The following MGRN1 variants were observed in gnomAD, a reference collection of about 807,000 sequenced individuals.
MGRN1 encodes the protein mahogunin ring finger 1.
A neutral mutation model predicts 69.2 loss-of-function variants in MGRN1; 29 were observed. That is an observed-to-expected ratio of 0.42 (90% CI 0.31 to 0.57). The LOEUF (loss-of-function observed/expected upper bound fraction) is 0.57. Among genes scored for constraint, MGRN1 ranks in the 20% least tolerant of loss-of-function variants. The pLI is 0.15. For synonymous variants in MGRN1, 470 were observed against 344.2 expected (o/e 1.37, Z -4.04); for missense variants, 998 against 796.2 (o/e 1.25, Z -3.05).
chr16:4,682,040 T>G (rs1238410400), intron 13 of MGRN1, among the ~76,000 whole-genome samples: 3 of 152,174 alleles, frequency 2.0e-5, no homozygotes, highest in Admixed American at 2.0e-4. Context: ...GCATACGTGC[T>G]CTCGAGCAGG....
chr16:4,672,155 C>T (rs1419871694), intron 9 of MGRN1, among the ~76,000 whole-genome samples: 3 of 152,170 alleles, frequency 2.0e-5, no homozygotes, highest in African/African-American at 7.2e-5. Flanking sequence ...CCACCCTCCT[C>T]GGCCTCCCAA....
At chr16:4,668,161 G>T in intron 7 of MGRN1, 104 bp from the exon 8 acceptor site, 1 of 749,438 alleles carries the variant, frequency 1.3e-6, no homozygotes, top group Non-Finnish European at 2.2e-6. Flanking sequence ...TCCAGCTGTG[G>T]GCATGGATTG....
At chr16:4,656,030 CCCCCACGCCCCAT>C (rs1364355818) in intron 4 of MGRN1, among the ~76,000 whole-genome samples, 1 of 152,228 alleles carries the variant, frequency 6.6e-6, no homozygotes, top group East Asian at 1.9e-4. Flanking sequence ...AGTGGTGGCC[CCCCCACGCCCCAT>C]CCCATTTCTG....
chr16:4,677,810 G>C (rs1003314928), intron 11 of MGRN1, among the ~76,000 whole-genome samples: 9 of 150,658 alleles, frequency 6.0e-5, no homozygotes, highest in African/African-American at 9.7e-5. Context: ...GGCTGAGCGC[G>C]GTCGAGGTCT....
intron 8 of MGRN1, among the ~76,000 whole-genome samples, chr16:4,669,498 G>A (rs949995429): frequency 1.4e-5 from 2 of 148,086 alleles, no homozygotes; most frequent in African/African-American, 2.5e-5. Flanking sequence ...GCTCTGGGAC[G>A]ACGGGTCCCT....
intron 1 of MGRN1, among the ~76,000 whole-genome samples, chr16:4,648,885 C>T (rs1456715354): frequency 6.8e-6 from 1 of 148,072 alleles, no homozygotes; most frequent in African/African-American, 2.5e-5. Flanking sequence ...GGGGACTCTT[C>T]CCGTGGTCAC....
At chr16:4,642,034 G>A (rs1209011103) in intron 1 of MGRN1, among the ~76,000 whole-genome samples, 7 of 151,996 alleles carry the variant, frequency 4.6e-5, no homozygotes, top group African/African-American at 1.2e-4. Flanking sequence ...TGTCTGCGCC[G>A]TGTTGATCAC....
At position 4,673,517 on chromosome 16, in the gene MGRN1, G is replaced by C. The variant is rs750360710; in HGVS notation, c.815G>C (p.Ser272Thr). The C allele has an allele frequency of 2.5e-6, 4 of 1,613,366 alleles. No individual in the cohort carries two copies. Among genetic ancestry groups the C allele is most frequent in the Middle Eastern group, 1.6e-4 (1 of 6,062 alleles). The change falls in exon 10 of 17, where the codon AGC becomes ACC. Residue 272 changes from serine to threonine, a missense_variant. Coordinates refer to ENST00000262370, the MANE Select transcript of MGRN1 (RefSeq NM_015246.4). ...CGGCAGCCCTCGGACGACGAGAACA[G>C]CGACAACAGCAACGAGTGTGTGGTG... ...QETKPSDDEN[S>T]DNSNECVVCL...
At chr16:4,626,714 A>G (rs970466150) in intron 1 of MGRN1, among the ~76,000 whole-genome samples, 7 of 152,154 alleles carry the variant, frequency 4.6e-5, no homozygotes, top group African/African-American at 7.2e-5. Context: ...AATAACATAC[A>G]TGTCATTTAC....
At chr16:4,675,935 C>T (rs2079044006) in intron 10 of MGRN1, among the ~76,000 whole-genome samples, 1 of 152,222 alleles carries the variant, frequency 6.6e-6, no homozygotes, top group East Asian at 1.9e-4. Flanking sequence ...GGTCAAAGTG[C>T]ACATCCCACT....
At chr16:4,644,068 C>G (rs935219741) in intron 1 of MGRN1, among the ~76,000 whole-genome samples, 11 of 151,966 alleles carry the variant, frequency 7.2e-5, no homozygotes, top group African/African-American at 2.4e-4. Context: ...ACCTCTGCCT[C>G]CCAGATGCAA....
intron 4 of MGRN1, among the ~76,000 whole-genome samples, chr16:4,656,299 C>G (rs754206672): frequency 6.6e-6 from 1 of 152,208 alleles, no homozygotes; most frequent in Non-Finnish European, 1.5e-5. Context: ...GCTGGTGTCC[C>G]CCAGGGGCCC....
chr16:4,650,752 G>T, intron 2 of MGRN1: 2 of 334,654 alleles, frequency 6.0e-6, no homozygotes, highest in Non-Finnish European at 1.1e-5. Flanking sequence ...GGCTGCAACG[G>T]CTGCGGAACA....
intron 1 of MGRN1, among the ~76,000 whole-genome samples, chr16:4,629,746 A>G (rs1466313491): frequency 6.6e-6 from 1 of 151,362 alleles, no homozygotes; most frequent in Non-Finnish European, 1.5e-5. Flanking sequence ...TCAAAAAAAA[A>G]AAAAAAATCA....
rs1210492934 is a variant in MGRN1 at position 4,652,699 on chromosome 16, C to T, written c.318C>T (p.Ser106=). Residue 106 remains serine, a synonymous_variant, in exon 4 of 17, where the codon AGC becomes AGT. Coordinates refer to ENST00000262370, the MANE Select transcript of MGRN1 (RefSeq NM_015246.4). ...RLVRYKDDAD[S]PTEDGDKPRV... is the part of the protein sequence containing the mutation. Reference sequence around the variant, plus strand: ...GTAGGTACAAAGACGATGCCGACAGCCCCACCGAGGACGGCGACAAGCCCC... The same window carrying T: ...GTAGGTACAAAGACGATGCCGACAGTCCCACCGAGGACGGCGACAAGCCCC... The T allele has an allele frequency of 6.2e-7, 1 of 1,612,632 alleles. No homozygotes were observed. Among genetic ancestry groups the T allele is most frequent in the South Asian group, 1.1e-5 (1 of 90,896 alleles).
chr16:4,682,381 G>A (rs781196487), intron 13 of MGRN1, among the ~76,000 whole-genome samples: 2 of 152,232 alleles, frequency 1.3e-5, no homozygotes, highest in African/African-American at 4.8e-5. Context: ...CGGCTGCCAG[G>A]GGGACTCTGT....
intron 4 of MGRN1, among the ~76,000 whole-genome samples, chr16:4,655,831 A>C (rs2078524616): frequency 6.6e-6 from 1 of 152,210 alleles, no homozygotes; most frequent in Admixed American, 6.5e-5. Context: ...CCTCCTGACA[A>C]GGAAACTGAG....
In MGRN1 at chr16:4,652,739, C is replaced by G; in HGVS notation, c.358C>G (p.Leu120Val). 1.2e-6 allele frequency: 2 copies of G among 1,613,208 alleles called. No homozygotes were observed. The highest frequency in any genetic ancestry group is 1.7e-6 in the Non-Finnish European group (2 of 1,179,602). The change falls in exon 4 of 17, where the codon CTG becomes GTG. Residue 120 changes from leucine (L) to valine (V), a missense_variant. Physicochemically the swap from Leu to Val is conservative, Grantham distance 32. Coordinates refer to ENST00000262370, the MANE Select transcript of MGRN1 (RefSeq NM_015246.4). ...DGDKPRVLYS[L>V]EFTFDADARV... is the part of the protein sequence containing the mutation. ...CGACAAGCCCCGGGTGCTCTACAGC[C>G]TGGAGTTCACCTTCGACGCCGATGC...
chr16:4,683,718 C>A, intron 15 of MGRN1, 125 bp from the exon 16 acceptor site: 1 of 741,300 alleles, frequency 1.3e-6, no homozygotes, highest in Non-Finnish European at 2.2e-6. Context: ...CCTGCTGGAG[C>A]ACAAGCCTGG....
Sources: gnomAD v4.1 joint callset for allele counts (sites outside exome capture counted in the v4.1 genomes callset) on GRCh38, gnomAD v4.1.1 for gene constraint, MANE v1.5 for transcripts, NCBI Gene and HGNC (gene_info 2026-07-23, HGNC 2026-07-21) for gene names.